The following SMARCA2 variants were observed in gnomAD, a reference collection of about 807,000 sequenced individuals.
SMARCA2 encodes the protein SWI/SNF related BAF chromatin remodeling complex subunit ATPase 2, also known as SWI/SNF-related matrix-associated actin-dependent regulator of chromatin subfamily A member 2.
SMARCA2 carries 61 observed loss-of-function variants against 199.8 expected under a neutral mutation model. The ratio of observed to expected loss-of-function variants is 0.31; its 90% CI spans 0.25 to 0.38. The LOEUF (loss-of-function observed/expected upper bound fraction) is 0.38, where lower values mean the gene tolerates loss of function less well. SMARCA2 is among the 10% of genes least tolerant of loss of function. The pLI, the probability that SMARCA2 is intolerant of heterozygous loss-of-function variation, is 1.00. For missense variants in SMARCA2, 1,344 were observed against 2,012.2 expected, an observed-to-expected ratio of 0.67 and a Z score of 6.35; for synonymous variants, 935 against 732.0, an observed-to-expected ratio of 1.28 and a Z score of -4.48.
intron 24 of SMARCA2, among the ~76,000 whole-genome samples, chr9:2,111,041 G>GTTTTTTT (rs371262213): frequency 1.6e-4 from 24 of 147,902 alleles, no homozygotes; most frequent in African/African-American, 6.0e-4. Flanking sequence ...GTACTTTGAT[G>GTTTTTTT]TTTTGTTTTT....
Position 2,119,466 on chromosome 9 carries a change from T to C in SMARCA2, c.3693T>C (p.Asp1231=). 18 of 1,612,200 alleles carry C rather than the reference T, an allele frequency of 1.1e-5. No homozygotes were observed. The highest frequency in any genetic ancestry group is 1.4e-5 in the Non-Finnish European group (17 of 1,178,264). ...LEHEEENEEE[D]EVPDDETLNQ... ...TCTGTTTTTAACCCCAGGAAGAAGATGAAGTACCGGACGATGAGACTCTGA... is the reference window on the plus strand; with the variant it reads ...TCTGTTTTTAACCCCAGGAAGAAGACGAAGTACCGGACGATGAGACTCTGA... The change falls in exon 26 of 34, where the codon GAT becomes GAC. Residue 1231 remains aspartate (D), a synonymous_variant. Transcript: ENST00000349721. The surrounding 1 kb of genome is among the most constrained non-coding windows in gnomAD (Gnocchi z 4.6).
intron 27 of SMARCA2, among the ~76,000 whole-genome samples, chr9:2,149,184 T>C (rs112176443): frequency 0.018 from 2,662 of 151,300 alleles, 102 homozygotes; most frequent in Middle Eastern, 0.038. Context: ...AAGGCACTTC[T>C]TACATGGTGG....
At chr9:2,145,811 C>G (rs887738495) in intron 27 of SMARCA2, among the ~76,000 whole-genome samples, 7 of 151,986 alleles carry the variant, frequency 4.6e-5, no homozygotes, top group Non-Finnish European at 7.4e-5. Flanking sequence ...TTGAGAAAAA[C>G]GAAGGCATTA....
At chr9:2,050,797 T>G (rs955750130) in intron 5 of SMARCA2, among the ~76,000 whole-genome samples, 3 of 152,210 alleles carry the variant, frequency 2.0e-5, no homozygotes, top group Admixed American at 1.3e-4. Flanking sequence ...CATTTTCTGT[T>G]CAGATAACTC....
intron 29 of SMARCA2, among the ~76,000 whole-genome samples, chr9:2,176,189 T>TTTTTTTTG (rs1563829234): frequency 7.4e-6 from 1 of 135,706 alleles, no homozygotes; most frequent in African/African-American, 3.4e-5. Context: ...CCTGTTTTTT[T>TTTTTTTTG]TTTTTTTTTT....
intron 33 of SMARCA2, chr9:2,191,647 GC>G (rs1433988008): frequency 2.7e-6 from 1 of 367,000 alleles, no homozygotes; most frequent in Middle Eastern, 7.6e-4. Context: ...ACCAAATCAA[GC>G]TTCCCTTTCC....
intron 10 of SMARCA2, among the ~76,000 whole-genome samples, chr9:2,071,618 G>C (rs1023760219): frequency 2.0e-5 from 3 of 152,110 alleles, no homozygotes; most frequent in African/African-American, 7.2e-5. Context: ...CACGTGTCCT[G>C]TTTGCTAAGG....
Position 2,161,623 on chromosome 9 carries a change from A to G in SMARCA2, c.3982-63A>G. 2 of 1,119,958 alleles carry G rather than the reference A, an allele frequency of 1.8e-6. No individual in the cohort carries two copies. The highest frequency in any genetic ancestry group is 2.7e-6 in the Non-Finnish European group (2 of 753,264). The allele number at this position is 1,119,958 out of a possible 1,614,324, so 69.4% of individuals were successfully genotyped here. ...GTTGGAGCTATATATAAATATACACATACTTTTTTTGTCTTGGTTATTCTC... is the reference window on the plus strand; with the variant it reads ...GTTGGAGCTATATATAAATATACACGTACTTTTTTTGTCTTGGTTATTCTC... On this transcript the variant is annotated intron_variant, in intron 27 of 33. Coordinates refer to ENST00000349721, the MANE Select transcript of SMARCA2 (RefSeq NM_003070.5). The surrounding 1 kb of genome is among the most constrained non-coding windows in gnomAD (Gnocchi z 4.7).
At chr9:2,172,922 G>A (rs759904753) in intron 29 of SMARCA2, among the ~76,000 whole-genome samples, 1 of 152,210 alleles carries the variant, frequency 6.6e-6, no homozygotes, top group Non-Finnish European at 1.5e-5. Context: ...AGGATGGATC[G>A]AAGGAGGCAT....
At chr9:2,162,201 A>C (rs541360094) in intron 28 of SMARCA2, among the ~76,000 whole-genome samples, 3 of 152,224 alleles carry the variant, frequency 2.0e-5, no homozygotes, top group Admixed American at 6.5e-5. Context: ...GAAAATGAAG[A>C]TATTTCAGAT....
intron 27 of SMARCA2, among the ~76,000 whole-genome samples, chr9:2,151,678 A>T (rs934000285): frequency 6.6e-6 from 1 of 152,180 alleles, no homozygotes; most frequent in East Asian, 1.9e-4. Flanking sequence ...GGTTGCAGTG[A>T]GCCAAGATTG....
intron 15 of SMARCA2, among the ~76,000 whole-genome samples, chr9:2,082,757 G>C (rs867906032): frequency 2.6e-5 from 4 of 152,156 alleles, no homozygotes; most frequent in South Asian, 2.1e-4. Flanking sequence ...TAATATTATT[G>C]TGTTTTCTTT....
At chr9:2,178,524 C>T (rs1025310833) in intron 29 of SMARCA2, among the ~76,000 whole-genome samples, 2 of 152,082 alleles carry the variant, frequency 1.3e-5, no homozygotes, top group African/African-American at 4.8e-5. Flanking sequence ...CTGTAAACAA[C>T]ATTGTACAAT....
intron 14 of SMARCA2, among the ~76,000 whole-genome samples, chr9:2,080,800 T>C (rs1482288583): frequency 2.0e-5 from 3 of 152,210 alleles, no homozygotes; most frequent in South Asian, 4.1e-4. Context: ...GTTTTATATG[T>C]ATACATATAC....
chr9:2,128,722 G>A (rs908895118), intron 27 of SMARCA2, among the ~76,000 whole-genome samples: 21 of 152,260 alleles, frequency 1.4e-4, no homozygotes, highest in Non-Finnish European at 7.3e-5. Context: ...GCTTGTGAGT[G>A]AGAGGCCTAA....
chr9:2,134,088 G>GA (rs2130660868), intron 27 of SMARCA2, among the ~76,000 whole-genome samples: 1 of 152,258 alleles, frequency 6.6e-6, no homozygotes, highest in South Asian at 2.1e-4. Context: ...TAGCTATTAA[G>GA]AAAAAGTTTC....
intron 5 of SMARCA2, among the ~76,000 whole-genome samples, chr9:2,050,909 T>C (rs143295736): frequency 4.9e-4 from 75 of 152,366 alleles, no homozygotes; most frequent in African/African-American, 1.6e-3. Context: ...CGTGATTTAC[T>C]GTTCAATCTG....
Position 2,104,249 on chromosome 9 carries a change from C to A in SMARCA2, c.3292+80C>A. 7.8e-7 allele frequency: 1 copy of A among 1,275,586 alleles called. No individual in the cohort carries two copies. Among genetic ancestry groups the A allele is most frequent in the Non-Finnish European group, 1.1e-6 (1 of 914,560 alleles). The allele number at this position is 1,275,586 out of a possible 1,614,324, so 79.0% of individuals were successfully genotyped here. ...ATGGGCACTTAGGTCCAATCTCAGC[C>A]AAAAAGAAGGGGTAAAATTGAAGAA... On this transcript the variant is annotated intron_variant, in intron 23 of 33. Coordinates refer to ENST00000349721, the MANE Select transcript of SMARCA2 (RefSeq NM_003070.5). This position sits in a 1 kb window ranked among gnomAD's most constrained non-coding sequence, Gnocchi z 4.0.
chr9:2,185,896 C>T (rs772695112), intron 31 of SMARCA2, among the ~76,000 whole-genome samples, 200 bp from the exon 32 acceptor site: 1 of 152,182 alleles, frequency 6.6e-6, no homozygotes, highest in Non-Finnish European at 1.5e-5. Context: ...ATTTCAACTG[C>T]ATTTGGACTT....
Sources: gnomAD v4.1 joint callset for allele counts (sites outside exome capture counted in the v4.1 genomes callset) on GRCh38, gnomAD v4.1.1 for gene constraint, Gnocchi (gnomAD v3.1) non-coding constraint, MANE v1.5 for transcripts, NCBI Gene and HGNC (gene_info 2026-07-23, HGNC 2026-07-21) for gene names.